Variants in FHIT observed in about 807,000 individuals in gnomAD.
FHIT encodes the protein bis(5'-adenosyl)-triphosphatase.
FHIT carries 19 observed loss-of-function variants against 17.9 expected under a neutral mutation model. The observed-to-expected ratio is 1.06, with a 90% CI of 0.74 to 1.56. FHIT has a LOEUF of 1.56. Among genes scored for constraint, FHIT ranks in the 40% most tolerant of loss-of-function variants. FHIT has a pLI of 0.00. For synonymous variants in FHIT, 81 were observed against 69.7 expected, an observed-to-expected ratio of 1.16 and a Z score of -0.81; for missense variants, 248 against 189.2, an observed-to-expected ratio of 1.31 and a Z score of -1.82.
intron 4 of FHIT, among the ~76,000 whole-genome samples, chr3:60,632,518 G>C (rs981987431): frequency 8.5e-5 from 13 of 152,188 alleles, no homozygotes; most frequent in African/African-American, 3.1e-4. Context: ...AGTTTCCGCA[G>C]GGACGTAAAG....
At chr3:60,612,967 A>ACT (rs35010280) in intron 4 of FHIT, among the ~76,000 whole-genome samples, 44,728 of 151,936 alleles carry the variant, frequency 0.29, 6,763 homozygotes, top group Non-Finnish European at 0.31. Flanking sequence ...TATGACTTTG[A>ACT]CTGTTACCCT....
chr3:59,862,016 A>G (rs560815787), intron 8 of FHIT, among the ~76,000 whole-genome samples: 26,471 of 140,402 alleles, frequency 0.19, 2,367 homozygotes, highest in African/African-American at 0.22. Context: ...GCCTTTGGGA[A>G]AAAAAAAAAC....
intron 5 of FHIT, among the ~76,000 whole-genome samples, chr3:60,469,390 G>T (rs2032965842): frequency 6.6e-6 from 1 of 152,084 alleles, no homozygotes; most frequent in African/African-American, 2.4e-5. Flanking sequence ...CAAACAGCTT[G>T]TCTTCAAGCT....
chr3:60,038,461 T>G (rs1701310634), intron 5 of FHIT, among the ~76,000 whole-genome samples: 2 of 152,200 alleles, frequency 1.3e-5, no homozygotes, highest in African/African-American at 4.8e-5. Context: ...CAAGTGCCCT[T>G]AAATAATATT....
intron 5 of FHIT, among the ~76,000 whole-genome samples, chr3:60,054,547 T>C (rs1444766291): frequency 6.6e-6 from 1 of 152,218 alleles, no homozygotes; most frequent in East Asian, 1.9e-4. Flanking sequence ...TCTATCATAA[T>C]GATGGAGCTA....
chr3:60,016,562 C>T (rs890902587), intron 5 of FHIT, among the ~76,000 whole-genome samples: 4 of 152,240 alleles, frequency 2.6e-5, no homozygotes, highest in Middle Eastern at 3.4e-3. Flanking sequence ...GAGTAGCTGA[C>T]CTTGAAGAGT....
intron 5 of FHIT, among the ~76,000 whole-genome samples, chr3:60,052,914 A>G (rs2106888545): frequency 6.6e-6 from 1 of 152,022 alleles, no homozygotes; most frequent in South Asian, 2.1e-4. Flanking sequence ...AGAAAGTCAA[A>G]TTTATGGCAG....
chr3:59,817,704 G>A (rs1457448852), intron 8 of FHIT, among the ~76,000 whole-genome samples: 1 of 151,974 alleles, frequency 6.6e-6, no homozygotes, highest in African/African-American at 2.4e-5. Flanking sequence ...CATTCGTTTC[G>A]GCTTCCAAAG....
intron 7 of FHIT, among the ~76,000 whole-genome samples, chr3:59,956,762 G>C (rs533234192): frequency 2.6e-5 from 4 of 152,300 alleles, no homozygotes; most frequent in African/African-American, 9.6e-5. Flanking sequence ...TCACATAGTG[G>C]TGAATATTCA....
At chr3:61,185,267 C>T (rs943961774) in intron 2 of FHIT, among the ~76,000 whole-genome samples, 5 of 152,164 alleles carry the variant, frequency 3.3e-5, no homozygotes, top group Admixed American at 6.5e-5. Context: ...GAGGCCACCT[C>T]GACCTGAGCA....
intron 7 of FHIT, among the ~76,000 whole-genome samples, chr3:59,976,488 G>C (rs1467805884): frequency 4.0e-5 from 6 of 151,794 alleles, no homozygotes; most frequent in African/African-American, 1.2e-4. Flanking sequence ...TTTGTCTTAA[G>C]AATCAGACAA....
In FHIT at chr3:59,986,522, TATATATATATATATATATACACAC is replaced by T. The variant is rs1559523503; in HGVS notation, c.279+24825_279+24848del. Among the ~76,000 whole-genome samples the T allele has an allele frequency of 4.5e-3, 24 of 5,386 alleles. 3 individuals are homozygous for T. The highest frequency in any genetic ancestry group is 0.043 in the South Asian group (6 of 140). The allele number at this position is 5,386 out of a possible 152,430, so 3.5% of individuals were successfully genotyped here. On this transcript the variant is annotated intron_variant, in intron 7 of 9. Transcript: ENST00000492590. Reference sequence around the variant, plus strand: ...AAATATATATATATATATATATATATATATATATATATATATATACACACACACACACACACACACACACACATA... The same window carrying T: ...AAATATATATATATATATATATATATACACACACACACACACACACACATA...
intron 4 of FHIT, among the ~76,000 whole-genome samples, chr3:60,602,059 G>T (rs373945618): frequency 6.6e-6 from 1 of 150,578 alleles, no homozygotes; most frequent in East Asian, 1.9e-4. Flanking sequence ...AAGACAGATA[G>T]AGTAAGCCAA....
intron 5 of FHIT, among the ~76,000 whole-genome samples, chr3:60,484,997 T>C (rs1472436228): frequency 2.0e-5 from 3 of 152,124 alleles, no homozygotes; most frequent in Admixed American, 2.0e-4. Context: ...GCAAAGGATA[T>C]GAACAGACAT....
At chr3:61,113,853 T>C (rs2036227608) in intron 2 of FHIT, among the ~76,000 whole-genome samples, 1 of 152,198 alleles carries the variant, frequency 6.6e-6, no homozygotes, top group South Asian at 2.1e-4. Context: ...CAGTAGAAGT[T>C]GCATTTGAAT....
At position 60,315,364 on chromosome 3, in the gene FHIT, C is replaced by T. The variant is rs139004411; in HGVS notation, c.103+221496G>A. Among the ~76,000 whole-genome samples, 453 of 152,268 alleles carry T rather than the reference C, an allele frequency of 3.0e-3. 5 individuals are homozygous for T. The highest frequency in any genetic ancestry group is 0.011 in the African/African-American group (439 of 41,548). ...CTGCTCTTTTGCATATGTATACACA[C>T]GAGTAACCACCACCTAGGTCATAAG... On this transcript the variant is annotated intron_variant, in intron 5 of 9. Coordinates refer to ENST00000492590, the MANE Select transcript of FHIT (RefSeq NM_002012.4).
chr3:61,112,135 C>T (rs2036176788), intron 2 of FHIT, among the ~76,000 whole-genome samples: 2 of 152,266 alleles, frequency 1.3e-5, no homozygotes, highest in South Asian at 4.1e-4. Context: ...AAAGTCCATG[C>T]CCTTAAGCAG....
At chr3:60,025,740 A>C (rs896404794) in intron 5 of FHIT, among the ~76,000 whole-genome samples, 7 of 152,194 alleles carry the variant, frequency 4.6e-5, no homozygotes, top group African/African-American at 1.7e-4. Flanking sequence ...ACCAGAAAAA[A>C]AAAAAAAAAG....
intron 5 of FHIT, among the ~76,000 whole-genome samples, chr3:60,303,243 C>T (rs1044723293): frequency 6.6e-6 from 1 of 152,112 alleles, no homozygotes; most frequent in Non-Finnish European, 1.5e-5. Context: ...ATTCACTAAG[C>T]ATGACATCCA....
Sources: gnomAD v4.1 joint callset for allele counts (sites outside exome capture counted in the v4.1 genomes callset) on GRCh38, gnomAD v4.1.1 for gene constraint, MANE v1.5 for transcripts, NCBI Gene and HGNC (gene_info 2026-07-23, HGNC 2026-07-21) for gene names.